The following FKBP11 variants were observed in gnomAD, a reference collection of about 807,000 sequenced individuals.
The protein encoded by FKBP11 is FKBP prolyl isomerase 11.
A neutral mutation model predicts 24.7 loss-of-function variants in FKBP11; 21 were observed. The ratio of observed to expected loss-of-function variants is 0.85; its 90% confidence interval spans 0.60 to 1.23. FKBP11 has a LOEUF of 1.23. FKBP11 is among the 50% of genes most tolerant of loss of function. The pLI, the probability that FKBP11 is intolerant of heterozygous loss-of-function variation, is 0.00. For synonymous variants in FKBP11, 106 were observed against 100.6 expected (o/e 1.05, Z -0.32); for missense variants, 245 against 248.7 (o/e 0.99, Z 0.10).
the FKBP11 span, chr12:48,938,896 C>A: frequency 6.3e-7 from 1 of 1,589,980 alleles, no homozygotes; most frequent in Non-Finnish European, 8.6e-7. Context: ...GGCAGGGTGA[C>A]AGTAGGTATG....
At chr12:48,927,151 C>T (rs918205610), upstream of FKBP11, among the ~76,000 whole-genome samples, 1 of 152,204 alleles carries the variant, frequency 6.6e-6, no homozygotes, top group Non-Finnish European at 1.5e-5. Flanking sequence ...CCTGCAACAA[C>T]CTAGACTTCC....
At chr12:48,934,974 G>C in the FKBP11 span, among the ~76,000 whole-genome samples, 7 of 142,820 alleles carry the variant, frequency 4.9e-5, no homozygotes, top group Non-Finnish European at 3.0e-5. Flanking sequence ...AGCCGATATC[G>C]TGCCATTGCC....
intron 2 of FKBP11, 157 bp downstream of exon 2, chr12:48,924,889 G>T: frequency 2.8e-6 from 4 of 1,444,184 alleles, no homozygotes; most frequent in Non-Finnish European, 2.7e-6. Context: ...AAGAGGCACG[G>T]AAGAGCAACG....
upstream of FKBP11, chr12:48,931,356 G>A (rs889028827): frequency 2.1e-6 from 3 of 1,431,656 alleles, no homozygotes; most frequent in Non-Finnish European, 2.8e-6. Flanking sequence ...TGGAGTAGGA[G>A]AAGGTGGTAG....
chr12:48,923,713 A>G (rs1939887993), intron 5 of FKBP11, 69 bp downstream of exon 5: 2 of 1,587,682 alleles, frequency 1.3e-6, no homozygotes. Flanking sequence ...CAAACAAAGT[A>G]TATAGCTCCT....
chr12:48,925,514 C>G, upstream of FKBP11: 1 of 1,465,102 alleles, frequency 6.8e-7, no homozygotes. Context: ...GGCGCCCAGG[C>G]CAGACTGGAC....
In FKBP11 at chr12:48,925,403, G is replaced by C. The variant is rs867225503; in HGVS notation, c.26C>G (p.Pro9Arg). MTLRPSLL[P>R]LHLLLLLLLS... ...CAGCAGCAGCAGCAGCAGATGGAGC[G>C]GGAGGAGTGAGGGGCGCAGGGTCAT... The change falls in exon 1 of 6, where the codon CCG becomes CGG. Residue 9 changes from proline (P) to arginine (R), a missense_variant. Physicochemically the swap from Pro to Arg is moderately radical, Grantham distance 103. Coordinates refer to ENST00000550765, the MANE Select transcript of FKBP11 (RefSeq NM_016594.3). 3.8e-6 allele frequency: 6 copies of C among 1,583,442 alleles called. 1 individual carries two copies. The highest frequency in any genetic ancestry group is 2.7e-5 in the African/African-American group (2 of 74,840).
upstream of FKBP11, among the ~76,000 whole-genome samples, chr12:48,927,055 G>A (rs1939984515): frequency 6.6e-6 from 1 of 152,100 alleles, no homozygotes; most frequent in Non-Finnish European, 1.5e-5. Flanking sequence ...TGATCCGCCA[G>A]CCTCAGCATC....
intron 2 of FKBP11, 159 bp downstream of exon 2, chr12:48,924,887 C>T: frequency 1.4e-6 from 2 of 1,444,864 alleles, no homozygotes; most frequent in Non-Finnish European, 1.8e-6. Flanking sequence ...AAAAGAGGCA[C>T]GGAAGAGCAA....
intron 5 of FKBP11, chr12:48,922,940 G>T: frequency 1.0e-6 from 1 of 986,252 alleles, no homozygotes; most frequent in Non-Finnish European, 1.3e-6. Flanking sequence ...CCTGAGGTTG[G>T]GAGTTTGAGA....
chr12:48,931,433 C>A (rs1940049420), upstream of FKBP11: 1 of 1,536,066 alleles, frequency 6.5e-7, no homozygotes, highest in Non-Finnish European at 8.7e-7. Flanking sequence ...CCCATCTGCA[C>A]CCTGGAGGGA....
chr12:48,933,391 A>T, the FKBP11 span, among the ~76,000 whole-genome samples: 1 of 151,920 alleles, frequency 6.6e-6, no homozygotes, highest in South Asian at 2.1e-4. Flanking sequence ...CTACCTTCAC[A>T]CTCTTCAGAA....
intron 4 of FKBP11, 101 bp from the exon 5 acceptor site, chr12:48,923,953 C>T (rs759724386): frequency 8.2e-7 from 1 of 1,225,576 alleles, no homozygotes; most frequent in Admixed American, 1.7e-5. Context: ...AATCTTCACA[C>T]CCAAAACACG....
intron 2 of FKBP11, 67 bp downstream of exon 2, chr12:48,924,979 A>G (rs1939925888): frequency 6.4e-7 from 1 of 1,551,344 alleles, no homozygotes; most frequent in Non-Finnish European, 8.7e-7. Flanking sequence ...GTCCAAGCCA[A>G]AGCTGACGTG....
chr12:48,923,452 G>C (rs1939881864), intron 5 of FKBP11: 1 of 1,547,518 alleles, frequency 6.5e-7, no homozygotes. Flanking sequence ...ACACAGCGTA[G>C]AGTTGTAGAA....
chr12:48,927,081 T>C (rs865785326), upstream of FKBP11, among the ~76,000 whole-genome samples: 43 of 152,392 alleles, frequency 2.8e-4, no homozygotes, highest in African/African-American at 1.0e-3. Flanking sequence ...GTGCTGGGAT[T>C]ACAGGCGTGA....
At chr12:48,927,893 T>C (rs1181831246), upstream of FKBP11, among the ~76,000 whole-genome samples, 3 of 152,084 alleles carry the variant, frequency 2.0e-5, no homozygotes, top group Non-Finnish European at 2.9e-5. Context: ...CAGACACTTT[T>C]ATTTTTCAGT....
At chr12:48,922,980 C>G (rs1472088653) in intron 5 of FKBP11, 4 of 787,844 alleles carry the variant, frequency 5.1e-6, no homozygotes, top group Non-Finnish European at 7.1e-6. Flanking sequence ...GAAGCCCCAT[C>G]TCTACTAAAA....
At position 48,923,420 on chromosome 12, in the gene FKBP11, G is replaced by GT. The variant is rs1555175333; in HGVS notation, c.388+361dup. 4.7e-4 allele frequency: 702 copies of GT among 1,479,898 alleles called. 3 individuals are homozygous for GT. Among genetic ancestry groups the GT allele is most frequent in the Non-Finnish European group, 1.0e-4 (113 of 1,106,262 alleles). 91.7% of individuals were successfully genotyped at this position (1,479,898 alleles called of 1,614,324 possible). On this transcript the variant is annotated intron_variant, in intron 5 of 5. Coordinates refer to ENST00000550765, the MANE Select transcript of FKBP11 (RefSeq NM_016594.3). The stretch of plus-strand genomic sequence containing the variant: ...CCCTGATGGAGGCTGAAAGGAAGGG[G>GT]TGGGGGGTGGCTGTACAGCTGACAC...
Sources: gnomAD v4.1 joint callset for allele counts (sites outside exome capture counted in the v4.1 genomes callset) on GRCh38, gnomAD v4.1.1 for gene constraint, MANE v1.5 for transcripts, NCBI Gene and HGNC (gene_info 2026-07-23, HGNC 2026-07-21) for gene names.